Variants in TAFA1 observed in about 807,000 individuals in gnomAD.
TAFA1 encodes TAFA chemokine like family member 1.
TAFA1 carries 4 observed loss-of-function variants against 18.5 expected under a neutral mutation model. The ratio of observed to expected loss-of-function variants is 0.22; its 90% CI spans 0.11 to 0.49. The LOEUF is 0.49. Ranked by LOEUF, TAFA1 falls within the 20% of genes least tolerant of loss-of-function variation. The pLI, the probability that TAFA1 is intolerant of heterozygous loss-of-function variation, is 0.98. For missense variants in TAFA1, 147 were observed against 169.0 expected (o/e 0.87, Z 0.72); for synonymous variants, 56 against 55.2 (o/e 1.01, Z -0.06).
intron 2 of TAFA1, among the ~76,000 whole-genome samples, chr3:68,404,682 A>G (rs747526731): frequency 6.6e-6 from 1 of 152,092 alleles, no homozygotes; most frequent in African/African-American, 2.4e-5. Context: ...CTGTAATCCC[A>G]GCTACTTGGG....
chr3:68,371,522 C>T (rs1575812727), intron 2 of TAFA1, among the ~76,000 whole-genome samples: 1 of 152,238 alleles, frequency 6.6e-6, no homozygotes. Context: ...TGATGGTTTT[C>T]AGCTTCATCC....
chr3:68,365,451 A>C (rs1250201924), intron 2 of TAFA1, among the ~76,000 whole-genome samples: 1 of 152,228 alleles, frequency 6.6e-6, no homozygotes, highest in Non-Finnish European at 1.5e-5. Context: ...GAGGCAGGTA[A>C]GAAATATGGT....
At position 68,289,562 on chromosome 3, in the gene TAFA1, T is replaced by TGA. The variant is rs1559601452; in HGVS notation, c.119-127718_119-127717insGA. The stretch of plus-strand genomic sequence containing the variant: ...CTGCTATTTTATAAAGACCTTCTTC[T>TGA]CTGCTTTGTGGACCAAAGTTGAAGC... On this transcript the variant is annotated intron_variant, in intron 2 of 4. Transcript: ENST00000478136. Among the ~76,000 whole-genome samples the TGA allele has an allele frequency of 1.5e-3, 206 of 136,680 alleles. 1 individual carries two copies. Among genetic ancestry groups the TGA allele is most frequent in the African/African-American group, 5.3e-3 (200 of 37,704 alleles). 89.7% of individuals were successfully genotyped at this position (136,680 alleles called of 152,430 possible).
intron 3 of TAFA1, among the ~76,000 whole-genome samples, chr3:68,532,543 A>G (rs1183177870): frequency 6.6e-6 from 1 of 152,190 alleles, no homozygotes; most frequent in Non-Finnish European, 1.5e-5. Context: ...ACAGCATTTC[A>G]GAGCCATTTC....
At chr3:68,498,722 CTTTTTTTTTTTTTT>C (rs34030223) in intron 3 of TAFA1, among the ~76,000 whole-genome samples, 30 of 97,026 alleles carry the variant, frequency 3.1e-4, no homozygotes, top group African/African-American at 1.0e-3. Context: ...CGTTTGGTGG[CTTTTTTTTTTTTTT>C]TTTTTTTTTT....
At chr3:68,504,306 G>T (rs1035245037) in intron 3 of TAFA1, among the ~76,000 whole-genome samples, 3 of 152,040 alleles carry the variant, frequency 2.0e-5, no homozygotes, top group Non-Finnish European at 4.4e-5. Flanking sequence ...AGCCAGCAGG[G>T]CCCCTTAGCT....
At chr3:68,188,744 A>G (rs1444024338) in intron 2 of TAFA1, among the ~76,000 whole-genome samples, 5 of 151,890 alleles carry the variant, frequency 3.3e-5, no homozygotes, top group Non-Finnish European at 7.4e-5. Context: ...ATTTTGCACT[A>G]AGGACAGAAC....
intron 2 of TAFA1, among the ~76,000 whole-genome samples, chr3:68,167,979 C>A (rs1370872619): frequency 1.3e-5 from 2 of 151,930 alleles, no homozygotes; most frequent in Non-Finnish European, 2.9e-5. Context: ...CAACTTTGCA[C>A]CTAAATGTAA....
intron 3 of TAFA1, among the ~76,000 whole-genome samples, chr3:68,526,414 T>C (rs1462547757): frequency 6.6e-6 from 1 of 152,176 alleles, no homozygotes; most frequent in Non-Finnish European, 1.5e-5. Flanking sequence ...AGTGTACAAC[T>C]TTCCCATTAC....
intron 3 of TAFA1, among the ~76,000 whole-genome samples, chr3:68,521,760 A>T (rs2073025513): frequency 6.6e-6 from 1 of 152,004 alleles, no homozygotes; most frequent in Non-Finnish European, 1.5e-5. Context: ...ATAGGGAAGG[A>T]AAAAACCTAT....
At chr3:68,415,436 C>A (rs1413266027) in intron 2 of TAFA1, among the ~76,000 whole-genome samples, 2 of 152,100 alleles carry the variant, frequency 1.3e-5, no homozygotes, top group African/African-American at 4.8e-5. Flanking sequence ...AAGGAACTGA[C>A]CTTTGAGTTG....
intron 2 of TAFA1, among the ~76,000 whole-genome samples, chr3:68,264,009 A>G (rs1288635670): frequency 6.6e-6 from 1 of 152,160 alleles, no homozygotes; most frequent in Non-Finnish European, 1.5e-5. Context: ...AGTAGATTTG[A>G]GGCTGGGCAC....
intron 2 of TAFA1, among the ~76,000 whole-genome samples, chr3:68,396,080 T>C (rs1559650576): frequency 6.6e-6 from 1 of 152,170 alleles, no homozygotes; most frequent in Non-Finnish European, 1.5e-5. Context: ...TGTTTGTAGA[T>C]TTACTTTATA....
chr3:68,073,829 G>C (rs1396262350), intron 2 of TAFA1, among the ~76,000 whole-genome samples: 1 of 152,108 alleles, frequency 6.6e-6, no homozygotes, highest in Non-Finnish European at 1.5e-5. Flanking sequence ...TATTTAGTGA[G>C]TGCTTAGAGC....
chr3:68,464,181 T>G (rs1388925552), intron 3 of TAFA1, among the ~76,000 whole-genome samples: 1 of 152,198 alleles, frequency 6.6e-6, no homozygotes, highest in Non-Finnish European at 1.5e-5. Flanking sequence ...CAGAGACTGG[T>G]CTATTTGCTG....
chr3:68,292,661 G>T (rs1381459615), intron 2 of TAFA1, among the ~76,000 whole-genome samples: 1 of 152,038 alleles, frequency 6.6e-6, no homozygotes, highest in Non-Finnish European at 1.5e-5. Context: ...CAAGTAGGTG[G>T]GACTTCAGGT....
chr3:68,178,926 A>C (rs2066160631), intron 2 of TAFA1, among the ~76,000 whole-genome samples: 2 of 152,200 alleles, frequency 1.3e-5, no homozygotes, highest in Non-Finnish European at 2.9e-5. Flanking sequence ...TTCCTTATGG[A>C]TCAAAGGGGA....
chr3:68,464,253 G>A (rs1341776980), intron 3 of TAFA1, among the ~76,000 whole-genome samples: 1 of 152,094 alleles, frequency 6.6e-6, no homozygotes, highest in Non-Finnish European at 1.5e-5. Flanking sequence ...CAGTCTAGTG[G>A]GGATAGGACA....
intron 2 of TAFA1, among the ~76,000 whole-genome samples, chr3:68,328,581 T>C (rs1266758594): frequency 1.3e-5 from 2 of 152,182 alleles, no homozygotes; most frequent in African/African-American, 4.8e-5. Context: ...GCCTACAGCA[T>C]TTTCCAGGGA....
Sources: gnomAD v4.1 joint callset for allele counts (sites outside exome capture counted in the v4.1 genomes callset) on GRCh38, gnomAD v4.1.1 for gene constraint, MANE v1.5 for transcripts, NCBI Gene and HGNC (gene_info 2026-07-23, HGNC 2026-07-21) for gene names.